DNMT3B: variants seen among roughly 807,000 people sequenced by gnomAD.
DNMT3B encodes the protein DNA (cytosine-5)-methyltransferase 3B.
A neutral mutation model predicts 120.2 loss-of-function variants in DNMT3B; 37 were observed. That is an observed-to-expected ratio of 0.31 (90% CI 0.24 to 0.40). The LOEUF (loss-of-function observed/expected upper bound fraction) is 0.40. Ranked by LOEUF, DNMT3B falls within the 10% of genes least tolerant of loss-of-function variation. DNMT3B has a pLI of 1.00. For missense variants in DNMT3B, 878 were observed against 1,137.3 expected (o/e 0.77, Z 3.28); for synonymous variants, 412 against 442.8 (o/e 0.93, Z 0.87).
Position 32,807,921 on chromosome 20 carries a change from G to A in DNMT3B, c.*18G>A. ...GTGAATAGTTCCAGCCAGGCCCCAA[G>A]CCCACTGGGGTGTGTGGCAGAGCCA... On this transcript the variant is annotated 3_prime_UTR_variant, in exon 23 of 23. Coordinates refer to ENST00000328111, the MANE Select transcript of DNMT3B (RefSeq NM_006892.4). 2 of 1,614,080 alleles carry A rather than the reference G, an allele frequency of 1.2e-6. No homozygotes were observed. The highest frequency in any genetic ancestry group is 1.7e-6 in the Non-Finnish European group (2 of 1,179,936).
intron 1 of DNMT3B, among the ~76,000 whole-genome samples, chr20:32,774,782 G>A (rs530704170): frequency 1.3e-5 from 2 of 151,780 alleles, no homozygotes; most frequent in East Asian, 1.9e-4. Context: ...ACAGTGGCAC[G>A]ATCTCAACCT....
At chr20:32,791,466 GTGGACTTTATCCCCAGGAA>G in intron 7 of DNMT3B, 116 bp from the exon 8 acceptor site, 1 of 845,576 alleles carries the variant, frequency 1.2e-6, no homozygotes, top group East Asian at 2.7e-5. Flanking sequence ...ATAGATGTCT[GTGGACTTTATCCCCAGGAA>G]TGGTCTCTTG....
chr20:32,796,692 G>A, intron 12 of DNMT3B, 98 bp from the exon 13 acceptor site: 1 of 1,337,316 alleles, frequency 7.5e-7, no homozygotes. Context: ...GCAAGCTGCT[G>A]GCCTGGAGGG....
intron 1 of DNMT3B, among the ~76,000 whole-genome samples, chr20:32,769,588 T>A (rs920862371): frequency 1.3e-5 from 2 of 152,110 alleles, no homozygotes; most frequent in African/African-American, 4.8e-5. Context: ...TTTTGAAAAG[T>A]GGTTTTTATG....
intron 20 of DNMT3B, among the ~76,000 whole-genome samples, chr20:32,802,881 T>G (rs1981525919): frequency 6.6e-6 from 1 of 152,180 alleles, no homozygotes; most frequent in Non-Finnish European, 1.5e-5. Flanking sequence ...GTGGCCAGAC[T>G]GTGTACCTCC....
At chr20:32,799,468 T>C (rs1008724184) in intron 16 of DNMT3B, 140 bp downstream of exon 16, 1 of 900,912 alleles carries the variant, frequency 1.1e-6, no homozygotes, top group African/African-American at 1.6e-5. Flanking sequence ...AAACCCTGTC[T>C]CCTTGTTTCT....
intron 1 of DNMT3B, among the ~76,000 whole-genome samples, chr20:32,773,446 T>C (rs1050229734): frequency 6.6e-6 from 1 of 152,052 alleles, no homozygotes; most frequent in African/African-American, 2.4e-5. Flanking sequence ...ATTGGCCCTG[T>C]GGTGTGGTGC....
intron 1 of DNMT3B, among the ~76,000 whole-genome samples, chr20:32,773,296 C>T (rs1987855253): frequency 6.6e-6 from 1 of 152,108 alleles, no homozygotes. Flanking sequence ...ACACACTCTT[C>T]TGATAATTCT....
intron 7 of DNMT3B, among the ~76,000 whole-genome samples, chr20:32,789,959 C>T (rs1209235443): frequency 6.6e-6 from 1 of 152,160 alleles, no homozygotes; most frequent in East Asian, 1.9e-4. Flanking sequence ...TTAGTCCTAC[C>T]CTCAGAGCCC....
intron 1 of DNMT3B, among the ~76,000 whole-genome samples, chr20:32,764,540 A>G (rs549688413): frequency 6.6e-6 from 1 of 152,206 alleles, no homozygotes; most frequent in Admixed American, 6.5e-5. Context: ...TTTCTCAATC[A>G]TTGTCCACGA....
chr20:32,776,545 A>G lies in DNMT3B; in HGVS notation c.-6-3773A>G, dbSNP rs577720361. On this transcript the variant is annotated intron_variant, in intron 1 of 22. Transcript: ENST00000328111. The stretch of plus-strand genomic sequence containing the variant: ...TCTTGTCCTGATTCTAAGAACATGT[A>G]GTTAAATTTGTATGTTATTTACTTT... Among the ~76,000 whole-genome samples, 4 of 152,310 alleles carry G rather than the reference A, an allele frequency of 2.6e-5. No individual in the cohort carries two copies. In the South Asian group the frequency reaches 8.3e-4, roughly 32 times the overall value.
chr20:32,773,062 G>T (rs1164172716), intron 1 of DNMT3B, among the ~76,000 whole-genome samples: 3 of 151,154 alleles, frequency 2.0e-5, no homozygotes, highest in African/African-American at 4.9e-5. Flanking sequence ...CATGTAATCC[G>T]CCCTCCTCGG....
At chr20:32,798,788 C>A in intron 15 of DNMT3B, 145 bp downstream of exon 15, 1 of 1,209,116 alleles carries the variant, frequency 8.3e-7, no homozygotes, top group Non-Finnish European at 1.2e-6. Context: ...TGGCGAATTG[C>A]CAGCTCCTCT....
intron 15 of DNMT3B, 39 bp downstream of exon 15, chr20:32,798,682 A>AG (rs769500361): frequency 2.5e-6 from 4 of 1,612,876 alleles, no homozygotes; most frequent in South Asian, 1.1e-5. Context: ...CACAGATCCC[A>AG]GGGGCACAGG....
At chr20:32,786,702 GT>G (rs1979335764) in intron 5 of DNMT3B, 75 bp downstream of exon 5, 9 of 1,603,504 alleles carry the variant, frequency 5.6e-6, no homozygotes, top group Middle Eastern at 3.3e-4. Flanking sequence ...TGCACTACTG[GT>G]TGTGGCTGGT....
intron 2 of DNMT3B, 46 bp from the exon 3 acceptor site, chr20:32,781,307 T>G (rs779868570): frequency 1.9e-6 from 3 of 1,597,906 alleles, no homozygotes; most frequent in Non-Finnish European, 2.6e-6. Context: ...TTCCCCAGAC[T>G]GGTGCCTGCC....
intron 20 of DNMT3B, among the ~76,000 whole-genome samples, chr20:32,803,710 G>C (rs1981645438): frequency 1.3e-5 from 2 of 152,194 alleles, no homozygotes; most frequent in African/African-American, 4.8e-5. Flanking sequence ...GACCCATGCA[G>C]TTATTAGAGT....
intron 3 of DNMT3B, among the ~76,000 whole-genome samples, chr20:32,783,042 G>A (rs1978816846): frequency 6.6e-6 from 1 of 152,120 alleles, no homozygotes; most frequent in African/African-American, 2.4e-5. Flanking sequence ...CCCTGCCTCA[G>A]GCTCCCGAGT....
Position 32,806,245 on chromosome 20 carries a change from T to G in DNMT3B, c.2338T>G (p.Ser780Ala). ...ACAGACAATAACCACCAAGTCGAAC[T>G]CGATCAAACAGGGGAAAAACCAACT... is the stretch of plus-strand genomic sequence containing the variant. ...KVQTITTKSN[S>A]IKQGKNQLFP... is the part of the protein sequence containing the mutation. The change falls in exon 22 of 23, where the codon TCG becomes GCG. Residue 780 changes from serine to alanine, a missense_variant. Ser to Ala is a moderately conservative substitution (Grantham distance 99). Transcript: ENST00000328111. The G allele has an allele frequency of 1.2e-6, 2 of 1,614,170 alleles. No individual in the cohort carries two copies. The highest frequency in any genetic ancestry group is 1.7e-6 in the Non-Finnish European group (2 of 1,180,040).
Sources: allele counts gnomAD v4.1 joint callset (sites outside exome capture counted in the v4.1 genomes callset), GRCh38; gene constraint gnomAD v4.1.1; transcripts MANE v1.5; gene names NCBI Gene and HGNC (gene_info 2026-07-23, HGNC 2026-07-21).